Variants in ZNF600 observed in about 807,000 individuals in gnomAD.
ZNF600 encodes zinc finger protein 600.
Under a neutral mutation model 7.3 loss-of-function variants are expected in ZNF600, and 4 were observed. The observed-to-expected ratio is 0.55, with a 90% CI of 0.27 to 1.25. ZNF600 has a LOEUF of 1.25. Among genes scored for constraint, ZNF600 ranks in the 50% most tolerant of loss-of-function variants. ZNF600 has a pLI of 0.12. For missense variants in ZNF600, 911 were observed against 922.1 expected (o/e 0.99, Z 0.16); for synonymous variants, 290 against 308.9 (o/e 0.94, Z 0.64).
chr19:52,814,918 C>T, the ZNF600 span, among the ~76,000 whole-genome samples: 5 of 145,748 alleles, frequency 3.4e-5, 1 homozygote, highest in Non-Finnish European at 7.4e-5. Context: ...AACAGAATTA[C>T]TCAAAGTACG....
the ZNF600 span, among the ~76,000 whole-genome samples, chr19:52,812,823 G>A: frequency 6.8e-6 from 1 of 147,632 alleles, no homozygotes; most frequent in East Asian, 2.0e-4. Context: ...GGCATGCTTG[G>A]ATGACATAAA....
At chr19:52,798,901 C>T in the ZNF600 span, 1 of 1,429,752 alleles carries the variant, frequency 7.0e-7, no homozygotes. Flanking sequence ...GTGGTGACTG[C>T]CCACTAAAGG....
intron 1 of ZNF600, among the ~76,000 whole-genome samples, chr19:52,781,882 A>G (rs2062724726): frequency 6.6e-6 from 1 of 152,102 alleles, no homozygotes; most frequent in African/African-American, 2.4e-5. Flanking sequence ...CCAATATGGC[A>G]ACATCCCATC....
At chr19:52,800,929 T>C in the ZNF600 span, 1 of 1,614,060 alleles carries the variant, frequency 6.2e-7, no homozygotes, top group East Asian at 2.2e-5. Flanking sequence ...CTGAAAACTT[T>C]GTCACATTCT....
At chr19:52,767,400 G>A (rs762197043) in exon 4 of ZNF600, 18 of 1,614,060 alleles carry the variant, frequency 1.1e-5, no homozygotes, top group Non-Finnish European at 1.5e-5. Context: ...TGAAACCGAG[G>A]GAGCATCACT....
exon 4 of ZNF600, chr19:52,764,772 C>T (rs1395306117): frequency 8.4e-5 from 13 of 154,896 alleles, no homozygotes; most frequent in Non-Finnish European, 1.6e-4. Context: ...CCGTCTCGGC[C>T]TCCCAAAGTG....
At chr19:52,791,598 G>C (rs1400793535), upstream of ZNF600, among the ~76,000 whole-genome samples, 2 of 138,466 alleles carry the variant, frequency 1.4e-5, no homozygotes, top group Non-Finnish European at 3.2e-5. Context: ...AAAAAAAAAA[G>C]ACTTCATGTC....
the ZNF600 span, chr19:52,801,840 G>A: frequency 3.7e-6 from 3 of 809,654 alleles, no homozygotes; most frequent in South Asian, 6.5e-5. Flanking sequence ...AACACAAAAG[G>A]AGTAAGATTC....
At chr19:52,815,202 G>C in the ZNF600 span, among the ~76,000 whole-genome samples, 76,585 of 143,676 alleles carry the variant, frequency 0.53, 25,180 homozygotes, top group Non-Finnish European at 0.68. Flanking sequence ...GGCAGTGGGA[G>C]GAAGGAGAGG....
At chr19:52,810,886 CCT>C in the ZNF600 span, among the ~76,000 whole-genome samples, 1 of 36,978 alleles carries the variant, frequency 2.7e-5, no homozygotes, top group Non-Finnish European at 4.4e-5. Flanking sequence ...TCCCCCTCCC[CCT>C]CCCCCTCCCC....
At chr19:52,811,103 G>A in the ZNF600 span, among the ~76,000 whole-genome samples, 55 of 149,530 alleles carry the variant, frequency 3.7e-4, no homozygotes, top group African/African-American at 1.3e-3. Context: ...TGTGTTGGCT[G>A]GGCTGGTCTC....
chr19:52,780,207 C>T (rs1459400412), intron 1 of ZNF600, among the ~76,000 whole-genome samples: 2 of 152,074 alleles, frequency 1.3e-5, no homozygotes, highest in Non-Finnish European at 2.9e-5. Flanking sequence ...TTAAACTCTG[C>T]GCCGACCACC....
chr19:52,775,314 G>C (rs1329872200), intron 2 of ZNF600, among the ~76,000 whole-genome samples: 1 of 152,058 alleles, frequency 6.6e-6, no homozygotes, highest in Non-Finnish European at 1.5e-5. Flanking sequence ...CACTTTGGGA[G>C]ACCAAGACGG....
the ZNF600 span, chr19:52,799,543 T>C: frequency 4.2e-6 from 6 of 1,417,360 alleles, no homozygotes; most frequent in South Asian, 2.4e-5. Flanking sequence ...CCAGTATGAA[T>C]GGCTTTGTGA....
the ZNF600 span, chr19:52,800,384 C>A: frequency 1.2e-6 from 2 of 1,613,898 alleles, no homozygotes; most frequent in Non-Finnish European, 1.7e-6. Flanking sequence ...CAGTATGAAT[C>A]CTCCTATGTC....
At chr19:52,773,438 C>T (rs1266630684) in intron 3 of ZNF600, among the ~76,000 whole-genome samples, 2 of 152,152 alleles carry the variant, frequency 1.3e-5, no homozygotes, top group Admixed American at 1.3e-4. Flanking sequence ...ATATACTCAA[C>T]AATAATCCCC....
chr19:52,775,099 G>A (rs1281607495), intron 2 of ZNF600, among the ~76,000 whole-genome samples: 1 of 152,042 alleles, frequency 6.6e-6, no homozygotes, highest in Non-Finnish European at 1.5e-5. Flanking sequence ...AATTTGTCAG[G>A]CATGGTGGCA....
exon 4 of ZNF600, chr19:52,766,143 C>T (rs2062572701): frequency 3.1e-6 from 5 of 1,613,554 alleles, no homozygotes; most frequent in Non-Finnish European, 4.2e-6. Context: ...AAGGTATGAC[C>T]TCTGACTGAA....
chr19:52,810,262 GC>G, the ZNF600 span: 1 of 1,359,164 alleles, frequency 7.4e-7, no homozygotes, highest in East Asian at 2.3e-5. Context: ...GGCAATGCTG[GC>G]CCAGTGATCA....
Sources: allele counts gnomAD v4.1 joint callset (sites outside exome capture counted in the v4.1 genomes callset), GRCh38; gene constraint gnomAD v4.1.1; transcripts MANE v1.5; gene names NCBI Gene and HGNC (gene_info 2026-07-23, HGNC 2026-07-21).